WLS: variants seen among roughly 807,000 people sequenced by gnomAD.
The protein encoded by WLS is Wnt ligand secretion mediator, also known as protein wntless homolog.
A neutral mutation model predicts 62.8 loss-of-function variants in WLS; 23 were observed. The ratio of observed to expected loss-of-function variants is 0.37; its 90% CI spans 0.26 to 0.52. The LOEUF (loss-of-function observed/expected upper bound fraction) is 0.52, where lower values mean the gene tolerates loss of function less well. WLS is among the 20% of genes least tolerant of loss of function. The probability of loss-of-function intolerance (pLI) is 0.92; values close to 1 mark genes in which losing one functional copy is unlikely to be tolerated. For missense variants in WLS, 615 were observed against 697.3 expected (o/e 0.88, Z 1.33); for synonymous variants, 246 against 244.1 (o/e 1.01, Z -0.07).
At chr1:68,148,311 G>T (rs1557476090) in intron 7 of WLS, 112 bp from the exon 8 acceptor site, 2 of 1,174,024 alleles carry the variant, frequency 1.7e-6, no homozygotes, top group South Asian at 1.3e-5. Context: ...GCTGTATTTA[G>T]GCTAAAAAAC....
At chr1:68,225,263 T>G (rs1650096245) in intron 1 of WLS, among the ~76,000 whole-genome samples, 1 of 152,134 alleles carries the variant, frequency 6.6e-6, no homozygotes, top group Non-Finnish European at 1.5e-5. Context: ...TTTCTTTAAT[T>G]TAGCAATCCT....
At chr1:68,202,123 C>A (rs1649052479) in intron 1 of WLS, 1 of 152,112 alleles carries the variant, frequency 6.6e-6, no homozygotes, top group Non-Finnish European at 1.5e-5. Context: ...TGGCTTGGAT[C>A]CCATGGAATG....
intron 11 of WLS, among the ~76,000 whole-genome samples, chr1:68,117,087 C>T (rs1391565923): frequency 4.1e-5 from 6 of 146,626 alleles, no homozygotes; most frequent in African/African-American, 1.3e-4. Context: ...CCCTCCCTCC[C>T]TCTATCCCTG....
At chr1:68,211,025 G>A (rs1346150132) in intron 1 of WLS, among the ~76,000 whole-genome samples, 1 of 152,152 alleles carries the variant, frequency 6.6e-6, no homozygotes, top group African/African-American at 2.4e-5. Flanking sequence ...CCTAAAGACT[G>A]CATTTAATTT....
chr1:68,108,464 T>C (rs185810288), intron 11 of WLS, among the ~76,000 whole-genome samples: 38 of 152,272 alleles, frequency 2.5e-4, no homozygotes, highest in Non-Finnish European at 4.6e-4. Context: ...CTCCCACCTC[T>C]AAGGCAGTGT....
chr1:68,160,475 C>G (rs1276092940), intron 2 of WLS, among the ~76,000 whole-genome samples: 2 of 152,100 alleles, frequency 1.3e-5, no homozygotes, highest in Non-Finnish European at 2.9e-5. Flanking sequence ...CAGATAGAAC[C>G]CTGTAGTAAC....
intron 10 of WLS, among the ~76,000 whole-genome samples, chr1:68,143,061 A>C (rs1261610726): frequency 1.3e-5 from 2 of 152,186 alleles, no homozygotes; most frequent in African/African-American, 4.8e-5. Context: ...CTGTAAATAT[A>C]TATTACATAT....
chr1:68,186,615 C>T (rs1475115167), intron 2 of WLS: 4 of 455,996 alleles, frequency 8.8e-6, no homozygotes, highest in Non-Finnish European at 1.8e-5. Flanking sequence ...TTGTTTGCCA[C>T]ACTCCCAAAC....
chr1:68,141,207 T>C (rs1014436795), intron 10 of WLS, among the ~76,000 whole-genome samples: 1 of 152,292 alleles, frequency 6.6e-6, no homozygotes, highest in Admixed American at 6.5e-5. Flanking sequence ...ACAGGCTCTC[T>C]TACCGGAAAC....
At chr1:68,122,534 T>G (rs1439972025), downstream of WLS, among the ~76,000 whole-genome samples, 1 of 151,448 alleles carries the variant, frequency 6.6e-6, no homozygotes, top group Non-Finnish European at 1.5e-5. Context: ...TGCATTTTAT[T>G]TGTTTGTTGT....
intron 2 of WLS, among the ~76,000 whole-genome samples, chr1:68,181,536 T>A (rs538227020): frequency 3.3e-5 from 5 of 152,198 alleles, no homozygotes; most frequent in Admixed American, 6.5e-5. Context: ...TTTTAAAAAA[T>A]TGAAAATATA....
In WLS at chr1:68,125,870, C is replaced by A. The variant is rs996089605; in HGVS notation, c.*356G>T. ...AACAGGAAAAATGTCAAATATTCCA[C>A]TCCCCATTCGGCCCAAACCATCCCC... is the stretch of plus-strand genomic sequence containing the variant. On this transcript the variant is annotated 3_prime_UTR_variant, in exon 12 of 12. Coordinates refer to ENST00000262348, the MANE Select transcript of WLS (RefSeq NM_024911.7). 1.3e-5 allele frequency: 13 copies of A among 1,039,080 alleles called. No homozygotes were observed. The African/African-American group carries it at 1.9e-4, about 15-fold the overall frequency. 64.4% of individuals were successfully genotyped at this position (1,039,080 alleles called of 1,614,324 possible).
At chr1:68,148,776 T>A in intron 6 of WLS, 116 bp from the exon 7 acceptor site, 1 of 856,760 alleles carries the variant, frequency 1.2e-6, no homozygotes, top group Non-Finnish European at 1.9e-6. Flanking sequence ...TCAAGCACTA[T>A]GCTAGATTCT....
downstream of WLS, among the ~76,000 whole-genome samples, chr1:68,120,694 CT>C (rs1646353174): frequency 1.3e-5 from 2 of 150,598 alleles, no homozygotes; most frequent in African/African-American, 2.4e-5. Context: ...CTGTTAAGTT[CT>C]GTGTGTGTGT....
intron 11 of WLS, among the ~76,000 whole-genome samples, chr1:68,131,982 A>G (rs1395082057): frequency 4.6e-5 from 7 of 152,202 alleles, no homozygotes; most frequent in African/African-American, 1.7e-4. Flanking sequence ...CTGTGAGAAA[A>G]CAAGCTTCTG....
chr1:68,124,403 C>T (rs145447367), downstream of WLS, among the ~76,000 whole-genome samples: 13 of 152,326 alleles, frequency 8.5e-5, 1 homozygote, highest in South Asian at 4.2e-4. Flanking sequence ...GATCGCCGAC[C>T]TTATCCAAAC....
At chr1:68,170,052 G>A (rs890961131) in intron 2 of WLS, among the ~76,000 whole-genome samples, 2 of 152,058 alleles carry the variant, frequency 1.3e-5, no homozygotes, top group Non-Finnish European at 2.9e-5. Flanking sequence ...AATGGTAATG[G>A]TAATGCCCTT....
downstream of WLS, among the ~76,000 whole-genome samples, chr1:68,121,799 G>A (rs770348283): frequency 5.3e-5 from 8 of 152,162 alleles, no homozygotes; most frequent in Non-Finnish European, 8.8e-5. Flanking sequence ...ATGGGGATTA[G>A]TCAAGTGTGT....
intron 2 of WLS, chr1:68,162,041 C>T: frequency 1.3e-6 from 2 of 1,592,806 alleles, no homozygotes; most frequent in Non-Finnish European, 1.7e-6. Context: ...CTTAAGCTTT[C>T]TGGGATGTGA....
Sources: gnomAD v4.1 joint callset for allele counts (sites outside exome capture counted in the v4.1 genomes callset) on GRCh38, gnomAD v4.1.1 for gene constraint, MANE v1.5 for transcripts, NCBI Gene and HGNC (gene_info 2026-07-23, HGNC 2026-07-21) for gene names.